BRINP3: variants seen among roughly 807,000 people sequenced by gnomAD.
The protein encoded by BRINP3 is BMP/retinoic acid-inducible neural-specific protein 3.
BRINP3 carries 19 observed loss-of-function variants against 71.0 expected under a neutral mutation model. The observed-to-expected ratio is 0.27, with a 90% CI of 0.19 to 0.39. The LOEUF (loss-of-function observed/expected upper bound fraction) is 0.39, where lower values mean the gene tolerates loss of function less well. BRINP3 is among the 10% of genes least tolerant of loss of function. The pLI is 1.00. For synonymous variants in BRINP3, 380 were observed against 337.7 expected, an observed-to-expected ratio of 1.13 and a Z score of -1.37; for missense variants, 959 against 940.8, an observed-to-expected ratio of 1.02 and a Z score of -0.25.
intron 7 of BRINP3, among the ~76,000 whole-genome samples, chr1:190,140,247 T>C (rs753460682): frequency 7.9e-5 from 12 of 152,206 alleles, no homozygotes; most frequent in Non-Finnish European, 1.6e-4. Flanking sequence ...AGCGAATCTA[T>C]ACAAACACTT....
At chr1:190,477,427 C>T (rs1677569818) in intron 1 of BRINP3, 21 bp downstream of exon 1, 1 of 152,032 alleles carries the variant, frequency 6.6e-6, no homozygotes, top group Admixed American at 6.5e-5. Flanking sequence ...TTTCTAGTAA[C>T]AGATAAAGAG....
Position 190,264,917 on chromosome 1 carries a change from T to C in BRINP3, c.566A>G (p.Asp189Gly). 1 of 1,613,862 alleles carries C rather than the reference T, an allele frequency of 6.2e-7. No individual in the cohort carries two copies. The highest frequency in any genetic ancestry group is 1.1e-5 in the South Asian group (1 of 91,068). Residue 189 changes from aspartate (D) to glycine (G), a missense_variant, in exon 4 of 8, where the codon GAC becomes GGC. Physicochemically the swap from Asp to Gly is moderately conservative, Grantham distance 94. Transcript: ENST00000367462. ...GTGGTGAAGTCTCCGAAGGGTGCTG[T>C]CCCTGTCAATGAAATAAGAAGCGGC... is the stretch of plus-strand genomic sequence containing the variant. Reference protein sequence around the residue: ...QLAASYFIDRDSTLRRLHHIQ... With the variant: ...QLAASYFIDRGSTLRRLHHIQ...
chr1:190,383,967 T>A (rs1038565590), intron 2 of BRINP3, among the ~76,000 whole-genome samples: 1 of 151,932 alleles, frequency 6.6e-6, no homozygotes, highest in Admixed American at 6.6e-5. Flanking sequence ...GTTATTATAG[T>A]TATCCCAGTT....
intron 2 of BRINP3, among the ~76,000 whole-genome samples, chr1:190,405,436 G>A (rs959485655): frequency 6.1e-5 from 7 of 114,174 alleles, no homozygotes; most frequent in Non-Finnish European, 1.2e-4. Flanking sequence ...GGGCGACAGA[G>A]CGAGACTCCG....
rs756644682 is a variant in BRINP3 at position 190,226,072 on chromosome 1, C to A, written c.961+10G>T. ...TATTTAAAAGTGTTATATTAAAATA[C>A]ATGTCTTACCTGATTCCTCAAAGTC... On this transcript the variant is annotated intron_variant, in intron 6 of 7. Transcript: ENST00000367462. 2 of 1,488,596 alleles carry A rather than the reference C, an allele frequency of 1.3e-6. No individual in the cohort carries two copies. The highest frequency in any genetic ancestry group is 1.4e-5 in the African/African-American group (1 of 70,068). 92.2% of individuals were successfully genotyped at this position (1,488,596 alleles called of 1,614,324 possible). A position where few individuals can be genotyped will look rare whatever the true frequency, so the allele number is the denominator to read the frequency against.
At chr1:190,230,472 A>T in intron 5 of BRINP3, among the ~76,000 whole-genome samples, 1 of 151,916 alleles carries the variant, frequency 6.6e-6, no homozygotes, top group Non-Finnish European at 1.5e-5. Context: ...AATTTTCGTT[A>T]TACATAAAAG....
intron 2 of BRINP3, among the ~76,000 whole-genome samples, chr1:190,315,633 G>A (rs1235231167): frequency 6.6e-6 from 1 of 152,082 alleles, no homozygotes; most frequent in Non-Finnish European, 1.5e-5. Context: ...GCTGGAAAAT[G>A]TTGTTGCTTT....
At chr1:190,335,312 G>A (rs920533495) in intron 2 of BRINP3, among the ~76,000 whole-genome samples, 5 of 151,786 alleles carry the variant, frequency 3.3e-5, no homozygotes, top group South Asian at 2.1e-4. Flanking sequence ...CCCGATAGAG[G>A]CTAAAGTTAA....
chr1:190,309,165 A>G (rs1254174695), intron 2 of BRINP3, among the ~76,000 whole-genome samples: 1 of 146,556 alleles, frequency 6.8e-6, no homozygotes, highest in Non-Finnish European at 1.5e-5. Context: ...TGAGGACATT[A>G]TGCTAAGTGT....
intron 2 of BRINP3, among the ~76,000 whole-genome samples, chr1:190,421,065 C>G (rs1164056916): frequency 6.6e-6 from 1 of 151,604 alleles, no homozygotes; most frequent in Admixed American, 6.6e-5. Flanking sequence ...ACTAACTATT[C>G]TACTCACAAC....
intron 2 of BRINP3, among the ~76,000 whole-genome samples, chr1:190,328,340 T>C (rs1666744675): frequency 6.6e-6 from 1 of 151,888 alleles, no homozygotes; most frequent in Admixed American, 6.6e-5. Flanking sequence ...ACACAGAAGA[T>C]TCAAATAAGC....
intron 2 of BRINP3, among the ~76,000 whole-genome samples, chr1:190,375,838 G>T (rs921395780): frequency 2.0e-5 from 3 of 151,782 alleles, no homozygotes; most frequent in Non-Finnish European, 2.9e-5. Context: ...ACTATTTTGA[G>T]GACATAAAAA....
At chr1:190,455,440 T>C (rs1010219399) in intron 1 of BRINP3, among the ~76,000 whole-genome samples, 14 of 152,222 alleles carry the variant, frequency 9.2e-5, no homozygotes, top group African/African-American at 3.1e-4. Flanking sequence ...TAAGAATACA[T>C]AAATATATGT....
At chr1:190,125,894 G>A (rs1251660775) in intron 7 of BRINP3, among the ~76,000 whole-genome samples, 1 of 151,954 alleles carries the variant, frequency 6.6e-6, no homozygotes, top group East Asian at 1.9e-4. Context: ...CGCTGCTGCT[G>A]GAATGGAGTT....
intron 2 of BRINP3, among the ~76,000 whole-genome samples, chr1:190,340,428 C>T (rs1667579076): frequency 6.6e-6 from 1 of 151,872 alleles, no homozygotes; most frequent in South Asian, 2.1e-4. Context: ...TTGGGTCTAG[C>T]TCAGTATATA....
intron 2 of BRINP3, among the ~76,000 whole-genome samples, chr1:190,315,039 G>A (rs1327573491): frequency 6.6e-6 from 1 of 152,072 alleles, no homozygotes; most frequent in African/African-American, 2.4e-5. Flanking sequence ...CTAGCATTAT[G>A]GTGAAGTTTT....
intron 2 of BRINP3, among the ~76,000 whole-genome samples, chr1:190,299,491 G>A (rs1394877382): frequency 6.6e-6 from 1 of 151,160 alleles, no homozygotes; most frequent in Non-Finnish European, 1.5e-5. Context: ...GTGCAGGTTA[G>A]TTACATATGT....
rs528759993 is a variant in BRINP3 at position 190,257,449 on chromosome 1, G to A, written c.618+7416C>T. 4.6e-5 allele frequency among the ~76,000 whole-genome samples: 7 copies of A among 152,178 alleles called. No homozygotes were observed. The East Asian group carries it at 1.4e-3, about 30-fold the overall frequency. On this transcript the variant is annotated intron_variant, in intron 4 of 7. Transcript: ENST00000367462. The stretch of plus-strand genomic sequence containing the variant: ...GGTTCGAACATCGTCCTTTAGCTGG[G>A]AGATGTTTGTTATTACTGACCTTCT...
chr1:190,285,370 C>G (rs1663341435), intron 2 of BRINP3, among the ~76,000 whole-genome samples: 2 of 152,092 alleles, frequency 1.3e-5, no homozygotes, highest in South Asian at 2.1e-4. Context: ...TCCATAAGCC[C>G]GGACATTGAT....
Sources: gnomAD v4.1 joint callset for allele counts (sites outside exome capture counted in the v4.1 genomes callset) on GRCh38, gnomAD v4.1.1 for gene constraint, MANE v1.5 for transcripts, NCBI Gene and HGNC (gene_info 2026-07-23, HGNC 2026-07-21) for gene names.